The following DSCAM variants were observed in gnomAD, a reference collection of about 807,000 sequenced individuals.
The protein encoded by DSCAM is cell adhesion molecule DSCAM.
In DSCAM, 47 loss-of-function variants were observed where a neutral mutation model predicts 217.7. The ratio of observed to expected loss-of-function variants is 0.22; its 90% CI spans 0.17 to 0.28. The LOEUF is 0.28. Among genes scored for constraint, DSCAM ranks in the 10% least tolerant of loss-of-function variants. The probability of loss-of-function intolerance (pLI) is 1.00; values close to 1 mark genes in which losing one functional copy is unlikely to be tolerated. For missense variants in DSCAM, 2,080 were observed against 2,618.3 expected, an observed-to-expected ratio of 0.79 and a Z score of 4.49; for synonymous variants, 1,056 against 1,015.3, an observed-to-expected ratio of 1.04 and a Z score of -0.76.
intron 1 of DSCAM, among the ~76,000 whole-genome samples, chr21:40,748,987 C>T (rs2146557532): frequency 6.6e-6 from 1 of 152,214 alleles, no homozygotes; most frequent in South Asian, 2.1e-4. Context: ...GGGGAAAGGA[C>T]AGTATCCTCA....
At chr21:40,556,585 A>G (rs998582586) in intron 3 of DSCAM, among the ~76,000 whole-genome samples, 8 of 152,198 alleles carry the variant, frequency 5.3e-5, no homozygotes, top group African/African-American at 1.9e-4. Context: ...AACCCCAGAC[A>G]GCTTCCACTC....
chr21:40,723,678 A>G (rs920292920), intron 1 of DSCAM, among the ~76,000 whole-genome samples: 1 of 152,218 alleles, frequency 6.6e-6, no homozygotes, highest in Non-Finnish European at 1.5e-5. Flanking sequence ...ACATATAACT[A>G]AAGAGATTCC....
chr21:40,547,437 T>TGA (rs1218037676), intron 3 of DSCAM, among the ~76,000 whole-genome samples: 5 of 152,186 alleles, frequency 3.3e-5, no homozygotes, highest in African/African-American at 1.2e-4. Context: ...CTTTTCCAAG[T>TGA]CCTGGGATTC....
intron 1 of DSCAM, among the ~76,000 whole-genome samples, chr21:40,747,064 C>A (rs1380861476): frequency 6.6e-6 from 1 of 151,698 alleles, no homozygotes; most frequent in Non-Finnish European, 1.5e-5. Context: ...ATAGTAAAAG[C>A]AGTTCTAAGA....
chr21:40,432,237 A>AATAAATAAATAT (rs1192388487), intron 3 of DSCAM, among the ~76,000 whole-genome samples: 2 of 150,666 alleles, frequency 1.3e-5, no homozygotes, highest in Admixed American at 1.3e-4. Flanking sequence ...TAAATAAATA[A>AATAAATAAATAT]ATATCTTCTT....
chr21:40,568,315 AT>A (rs892634047), intron 3 of DSCAM, among the ~76,000 whole-genome samples: 4 of 151,590 alleles, frequency 2.6e-5, no homozygotes, highest in Admixed American at 6.6e-5. Flanking sequence ...AAATATATAT[AT>A]TTTTTTTCTT....
intron 27 of DSCAM, among the ~76,000 whole-genome samples, chr21:40,067,519 C>A (rs1386163285): frequency 6.6e-6 from 1 of 152,150 alleles, no homozygotes; most frequent in East Asian, 1.9e-4. Context: ...AGCATTTATT[C>A]TGTCTGCATT....
intron 3 of DSCAM, among the ~76,000 whole-genome samples, chr21:40,678,289 T>G (rs1232718396): frequency 6.6e-6 from 1 of 152,192 alleles, no homozygotes; most frequent in Non-Finnish European, 1.5e-5. Flanking sequence ...AGCATTGCCT[T>G]ATCCAGAATA....
At chr21:40,447,203 C>T (rs139259186) in intron 3 of DSCAM, among the ~76,000 whole-genome samples, 15 of 152,272 alleles carry the variant, frequency 9.9e-5, no homozygotes, top group Middle Eastern at 3.4e-3. Flanking sequence ...GAATGAAACT[C>T]GACTCCTTAC....
chr21:40,028,710 ACGCACAGTGTG>A (rs1442950872), intron 32 of DSCAM, among the ~76,000 whole-genome samples: 5 of 151,996 alleles, frequency 3.3e-5, no homozygotes, highest in Admixed American at 3.3e-4. Flanking sequence ...GCTTCGGCTC[ACGCACAGTGTG>A]CGCACCCACT....
intron 3 of DSCAM, among the ~76,000 whole-genome samples, chr21:40,619,846 A>G (rs1284272403): frequency 6.6e-6 from 1 of 151,458 alleles, no homozygotes; most frequent in African/African-American, 2.4e-5. Flanking sequence ...ATGTAAAGAA[A>G]AAAAAAAAAG....
intron 3 of DSCAM, among the ~76,000 whole-genome samples, chr21:40,546,966 T>C (rs1712736097): frequency 6.6e-6 from 1 of 152,038 alleles, no homozygotes; most frequent in Non-Finnish European, 1.5e-5. Flanking sequence ...CCCCAGTTAT[T>C]GGGGGCAAGG....
chr21:40,321,126 C>A (rs73371760), intron 8 of DSCAM, among the ~76,000 whole-genome samples: 1 of 152,184 alleles, frequency 6.6e-6, no homozygotes, highest in African/African-American at 2.4e-5. Context: ...ACTAATCATA[C>A]GCTAATGGAA....
chr21:40,319,569 C>T (rs2055256039), intron 8 of DSCAM, among the ~76,000 whole-genome samples: 2 of 152,190 alleles, frequency 1.3e-5, no homozygotes, highest in Admixed American at 6.5e-5. Flanking sequence ...GTACCCCCTT[C>T]ACAGAGTGAT....
intron 11 of DSCAM, among the ~76,000 whole-genome samples, chr21:40,213,049 G>A (rs2091201037): frequency 6.6e-6 from 1 of 152,202 alleles, no homozygotes; most frequent in East Asian, 1.9e-4. Flanking sequence ...CTTGATTTCA[G>A]ATGTCTGTGA....
intron 3 of DSCAM, among the ~76,000 whole-genome samples, chr21:40,515,628 C>T (rs956184912): frequency 1.3e-5 from 2 of 152,090 alleles, no homozygotes; most frequent in African/African-American, 4.8e-5. Context: ...GGTAAAAATA[C>T]TCTTAAAAAT....
At position 40,152,910 on chromosome 21, in the gene DSCAM, G is replaced by A. The variant is rs1003047548; in HGVS notation, c.3019-8179C>T. 2.0e-5 allele frequency among the ~76,000 whole-genome samples: 3 copies of A among 152,246 alleles called. No homozygotes were observed. The East Asian group carries it at 5.8e-4, about 29-fold the overall frequency. ...TGAAAGGAAATGGCCTCTGCTGGAT[G>A]TGCAGAATTCACCTGTTGGCTGGAG... On this transcript the variant is annotated intron_variant, in intron 16 of 32. Transcript: ENST00000400454.
intron 11 of DSCAM, among the ~76,000 whole-genome samples, chr21:40,257,408 G>A (rs983394729): frequency 2.0e-5 from 3 of 149,122 alleles, no homozygotes; most frequent in Non-Finnish European, 4.4e-5. Flanking sequence ...TTTTTTATTT[G>A]AGGATGGTTG....
chr21:40,214,423 GT>G (rs138878610), intron 11 of DSCAM, among the ~76,000 whole-genome samples: 2,452 of 152,208 alleles, frequency 0.016, 31 homozygotes, highest in Non-Finnish European at 0.023. Context: ...GGTTTTTCTT[GT>G]TGTTTTGTTT....
Sources: allele counts gnomAD v4.1 joint callset (sites outside exome capture counted in the v4.1 genomes callset), GRCh38; gene constraint gnomAD v4.1.1; transcripts MANE v1.5; gene names NCBI Gene and HGNC (gene_info 2026-07-23, HGNC 2026-07-21).